HHAT: variants seen among roughly 807,000 people sequenced by gnomAD.
The protein encoded by HHAT is protein-cysteine N-palmitoyltransferase HHAT.
Under a neutral mutation model 70.8 loss-of-function variants are expected in HHAT, and 47 were observed. The observed-to-expected ratio is 0.66, with a 90% CI of 0.53 to 0.85. The LOEUF is 0.85. HHAT is among the 40% of genes least tolerant of loss of function. HHAT has a pLI of 0.00. For missense variants in HHAT, 609 were observed against 604.8 expected (o/e 1.01, Z -0.07); for synonymous variants, 228 against 247.6 (o/e 0.92, Z 0.74).
Position 210,436,323 on chromosome 1 carries a change from CT to C in HHAT, c.856+18008del, listed in dbSNP as rs371385090. Among the ~76,000 whole-genome samples the C allele has an allele frequency of 2.8e-3, 417 of 146,692 alleles. 12 individuals carry two copies. The South Asian group carries it at 0.06, about 21-fold the overall frequency. ...TATCCTATTGCATTGATCTGTATGT[CT>C]TTTTTTTTTAATGCCAGTACCATGA... On this transcript the variant is annotated intron_variant, in intron 7 of 11. Transcript: ENST00000261458.
At chr1:210,549,023 G>A (rs2095506666) in intron 9 of HHAT, among the ~76,000 whole-genome samples, 1 of 152,190 alleles carries the variant, frequency 6.6e-6, no homozygotes. Context: ...ATGGATTCTG[G>A]AGCCTGGCTC....
intron 11 of HHAT, among the ~76,000 whole-genome samples, chr1:210,655,709 A>G (rs1574037948): frequency 6.6e-6 from 1 of 152,262 alleles, no homozygotes; most frequent in East Asian, 1.9e-4. Flanking sequence ...ACGTCAGGTA[A>G]ATATCCTCAT....
rs148504043 is a variant in HHAT at position 210,569,942 on chromosome 1, C to A, written c.1044-17956C>A. 5.9e-3 allele frequency among the ~76,000 whole-genome samples: 891 copies of A among 152,294 alleles called. 14 individuals are homozygous for A. The highest frequency in any genetic ancestry group is 0.021 in the South Asian group (103 of 4,828). ...ATCCCTCTTTATATTATCCCTATGC[C>A]TAGCCTATAGTTGGTACTCAGCCTA... On this transcript the variant is annotated intron_variant, in intron 9 of 11. Transcript: ENST00000261458.
At chr1:210,544,366 CG>C (rs2095461395) in intron 9 of HHAT, among the ~76,000 whole-genome samples, 7 of 105,322 alleles carry the variant, frequency 6.6e-5, no homozygotes, top group South Asian at 3.3e-4. Flanking sequence ...TTCTTTCTTT[CG>C]TTTTTTTTTT....
At chr1:210,575,919 G>A (rs1657618469) in intron 9 of HHAT, among the ~76,000 whole-genome samples, 1 of 152,312 alleles carries the variant, frequency 6.6e-6, no homozygotes, top group East Asian at 1.9e-4. Flanking sequence ...AACCTGAGGG[G>A]AAGGGTGACA....
intron 9 of HHAT, among the ~76,000 whole-genome samples, chr1:210,560,580 C>G (rs1391237054): frequency 6.6e-6 from 1 of 150,922 alleles, no homozygotes; most frequent in African/African-American, 2.4e-5. Context: ...CTTTGGGAGG[C>G]TGAGGCAGGA....
At chr1:210,537,295 T>G (rs1892472) in intron 9 of HHAT, among the ~76,000 whole-genome samples, 27,785 of 152,068 alleles carry the variant, frequency 0.18, 3,215 homozygotes, top group Middle Eastern at 0.29. Flanking sequence ...TCACCCTTCT[T>G]CTGCTGTCTG....
intron 2 of HHAT, among the ~76,000 whole-genome samples, chr1:210,352,603 A>G (rs946124): frequency 8.9e-4 from 135 of 152,296 alleles, no homozygotes; most frequent in African/African-American, 3.2e-3. Flanking sequence ...CCTTGGGCAC[A>G]GAGCAGGCAT....
At chr1:210,457,312 T>C (rs1377860637) in intron 7 of HHAT, among the ~76,000 whole-genome samples, 2 of 152,084 alleles carry the variant, frequency 1.3e-5, no homozygotes, top group East Asian at 3.9e-4. Context: ...TTCTTATAAA[T>C]AACCTCATAT....
intron 8 of HHAT, among the ~76,000 whole-genome samples, chr1:210,467,565 A>G (rs548513331): frequency 5.4e-4 from 83 of 152,312 alleles, no homozygotes; most frequent in Admixed American, 1.3e-3. Flanking sequence ...TCCTAGATTT[A>G]GGTTTGAGAC....
intron 8 of HHAT, among the ~76,000 whole-genome samples, chr1:210,489,232 G>T (rs1003322316): frequency 6.6e-6 from 1 of 152,282 alleles, no homozygotes; most frequent in East Asian, 1.9e-4. Context: ...TGTGTTGTTA[G>T]TAAATAGTTC....
intron 3 of HHAT, among the ~76,000 whole-genome samples, chr1:210,370,610 ATTTTTTTTTT>A (rs10664778): frequency 1.0e-5 from 1 of 98,356 alleles, no homozygotes; most frequent in African/African-American, 4.1e-5. Flanking sequence ...TGCAGATGCT[ATTTTTTTTTT>A]TTTTTTTTTT....
intron 9 of HHAT, among the ~76,000 whole-genome samples, chr1:210,559,602 A>G (rs2095603217): frequency 6.6e-6 from 1 of 152,210 alleles, no homozygotes; most frequent in African/African-American, 2.4e-5. Context: ...TTTCCGCCAT[A>G]CAATTATGCC....
intron 3 of HHAT, among the ~76,000 whole-genome samples, chr1:210,381,848 T>C (rs2090663366): frequency 6.6e-6 from 1 of 152,132 alleles, no homozygotes; most frequent in Non-Finnish European, 1.5e-5. Flanking sequence ...CTGATGTGGC[T>C]ACAGGGTGAA....
At chr1:210,527,335 G>A (rs567062827) in intron 9 of HHAT, among the ~76,000 whole-genome samples, 1 of 152,240 alleles carries the variant, frequency 6.6e-6, no homozygotes, top group African/African-American at 2.4e-5. Flanking sequence ...TTTGTGTGCT[G>A]GATGCATTAC....
chr1:210,374,427 CTT>C (rs1033560266), intron 3 of HHAT, among the ~76,000 whole-genome samples: 3 of 151,776 alleles, frequency 2.0e-5, no homozygotes, highest in Non-Finnish European at 1.5e-5. Context: ...AAGAAATATT[CTT>C]TTAAGCTTTA....
intron 8 of HHAT, among the ~76,000 whole-genome samples, chr1:210,508,163 C>T (rs1207531707): frequency 7.0e-6 from 1 of 142,650 alleles, no homozygotes; most frequent in African/African-American, 2.6e-5. Context: ...CATGCCACTG[C>T]ACTCCAGCCT....
intron 4 of HHAT, among the ~76,000 whole-genome samples, chr1:210,394,448 G>A (rs1292918922): frequency 1.3e-5 from 2 of 151,970 alleles, no homozygotes; most frequent in Admixed American, 1.3e-4. Context: ...TGGATGTCAC[G>A]GGTCAGACAG....
At chr1:210,439,815 A>T (rs556244166) in intron 7 of HHAT, 2 of 152,088 alleles carry the variant, frequency 1.3e-5, no homozygotes, top group East Asian at 3.9e-4. Context: ...GTCGCTGCTG[A>T]CAAGTGATGT....
Sources: allele counts gnomAD v4.1 joint callset (sites outside exome capture counted in the v4.1 genomes callset), GRCh38; gene constraint gnomAD v4.1.1; transcripts MANE v1.5; gene names NCBI Gene and HGNC (gene_info 2026-07-23, HGNC 2026-07-21).